The following MSRA variants were observed in gnomAD, a reference collection of about 807,000 sequenced individuals.
MSRA encodes mitochondrial peptide methionine sulfoxide reductase.
MSRA carries 54 observed loss-of-function variants against 31.3 expected under a neutral mutation model. That is an observed-to-expected ratio of 1.73 (90% CI 1.39 to 2.17). The LOEUF is 2.17. MSRA is among the 30% of genes most tolerant of loss of function. The probability of loss-of-function intolerance (pLI) is 0.00; values close to 1 mark genes in which losing one functional copy is unlikely to be tolerated. For missense variants in MSRA, 507 were observed against 300.9 expected (o/e 1.69, Z -5.07); for synonymous variants, 169 against 116.5 (o/e 1.45, Z -2.90).
At chr8:10,096,368 G>C in intron 1 of MSRA, 1 of 970,558 alleles carries the variant, frequency 1.0e-6, no homozygotes, top group Non-Finnish European at 1.2e-6. Flanking sequence ...AACCATTTTT[G>C]GGAGGTGGGT....
intron 1 of MSRA, among the ~76,000 whole-genome samples, chr8:10,155,387 G>A (rs1008326670): frequency 6.6e-6 from 1 of 151,970 alleles, no homozygotes; most frequent in Non-Finnish European, 1.5e-5. Context: ...ATACACCCAC[G>A]CTCTCTCTCT....
intron 1 of MSRA, among the ~76,000 whole-genome samples, chr8:10,192,248 G>T (rs1046753431): frequency 6.6e-6 from 1 of 152,210 alleles, no homozygotes; most frequent in African/African-American, 2.4e-5. Flanking sequence ...TACACTCAAA[G>T]GAAAGGGATT....
intron 3 of MSRA, among the ~76,000 whole-genome samples, chr8:10,300,143 TGTGTGTGCACGCGTGCATGCACAC>T (rs2129124280): frequency 6.6e-6 from 1 of 152,132 alleles, no homozygotes; most frequent in Non-Finnish European, 1.5e-5. Context: ...TGTGTGTGTG[TGTGTGTGCACGCGTGCATGCACAC>T]ATCTGGTAGG....
At chr8:10,297,083 G>A (rs370496747) in intron 3 of MSRA, among the ~76,000 whole-genome samples, 3 of 152,076 alleles carry the variant, frequency 2.0e-5, no homozygotes, top group Non-Finnish European at 2.9e-5. Context: ...GACTTATCTC[G>A]GGGTTCTCTT....
chr8:10,235,381 T>A (rs1811857523), intron 2 of MSRA, among the ~76,000 whole-genome samples: 3 of 152,142 alleles, frequency 2.0e-5, no homozygotes, highest in African/African-American at 7.2e-5. Context: ...ACTACATATC[T>A]ATACGTGAGA....
At chr8:10,098,078 T>A (rs77790493) in intron 1 of MSRA, among the ~76,000 whole-genome samples, 3,106 of 152,284 alleles carry the variant, frequency 0.02, 93 homozygotes, top group African/African-American at 0.071. Flanking sequence ...TACATTTTTT[T>A]AAAAAGACAT....
intron 3 of MSRA, among the ~76,000 whole-genome samples, chr8:10,288,098 G>C (rs1390267811): frequency 6.6e-6 from 1 of 152,208 alleles, no homozygotes; most frequent in African/African-American, 2.4e-5. Context: ...AAGTGAAAAT[G>C]AGGCTGGAAT....
At chr8:10,215,454 A>C (rs1809905832) in intron 2 of MSRA, among the ~76,000 whole-genome samples, 1 of 152,214 alleles carries the variant, frequency 6.6e-6, no homozygotes, top group African/African-American at 2.4e-5. Flanking sequence ...GCTCCCTGGC[A>C]GACCACCTGC....
intron 1 of MSRA, among the ~76,000 whole-genome samples, chr8:10,090,052 G>T (rs1192550144): frequency 6.6e-6 from 1 of 152,218 alleles, no homozygotes; most frequent in African/African-American, 2.4e-5. Flanking sequence ...GGATGAGTCA[G>T]ATCTTGGGTT....
At chr8:10,153,619 G>T (rs966723339) in intron 1 of MSRA, among the ~76,000 whole-genome samples, 2 of 152,102 alleles carry the variant, frequency 1.3e-5, no homozygotes, top group Non-Finnish European at 2.9e-5. Context: ...ATTGACATTG[G>T]TCATTTCCCA....
intron 2 of MSRA, among the ~76,000 whole-genome samples, chr8:10,223,167 A>C (rs892058152): frequency 6.6e-6 from 1 of 152,202 alleles, no homozygotes; most frequent in Non-Finnish European, 1.5e-5. Context: ...AGGTATTACT[A>C]TTGCTTTACT....
At chr8:10,181,879 C>G (rs143901002) in intron 1 of MSRA, among the ~76,000 whole-genome samples, 55 of 152,340 alleles carry the variant, frequency 3.6e-4, no homozygotes, top group Middle Eastern at 3.4e-3. Flanking sequence ...AGCCTTTATC[C>G]TGACCCCAAG....
At chr8:10,068,736 CCTT>C (rs1797584498) in intron 1 of MSRA, among the ~76,000 whole-genome samples, 1 of 152,144 alleles carries the variant, frequency 6.6e-6, no homozygotes, top group African/African-American at 2.4e-5. Context: ...TTGTTCTTCT[CCTT>C]TAATATTGAG....
chr8:10,308,140 C>T (rs1047128834), intron 4 of MSRA, among the ~76,000 whole-genome samples: 1 of 152,182 alleles, frequency 6.6e-6, no homozygotes, highest in African/African-American at 2.4e-5. Flanking sequence ...GATCTTTAGG[C>T]AAGAACTCTT....
At chr8:10,099,766 A>G (rs1318165133) in intron 1 of MSRA, among the ~76,000 whole-genome samples, 1 of 152,208 alleles carries the variant, frequency 6.6e-6, no homozygotes, top group Non-Finnish European at 1.5e-5. Flanking sequence ...TGCGGTGGCC[A>G]TTGGAGATGA....
chr8:10,217,128 G>C (rs4275226), intron 2 of MSRA, among the ~76,000 whole-genome samples: 26,663 of 152,142 alleles, frequency 0.18, 2,642 homozygotes, highest in East Asian at 0.42. Context: ...ATGGATTTCA[G>C]TTTTACTTAC....
chr8:10,354,750 G>GTGTGTATA lies in MSRA; in HGVS notation c.543+34762_543+34763insGTGTATAT, dbSNP rs371336632. Among the ~76,000 whole-genome samples, 176 of 138,392 alleles carry GTGTGTATA rather than the reference G, an allele frequency of 1.3e-3. 1 individual carries two copies. The highest frequency in any genetic ancestry group is 4.7e-3 in the African/African-American group (170 of 36,234). The allele number at this position is 138,392 out of a possible 152,430, so 90.8% of individuals were successfully genotyped here. On this transcript the variant is annotated intron_variant, in intron 5 of 5. Transcript: ENST00000317173. Reference sequence around the variant, plus strand: ...TTATGTAATATGTGTGTGTGTGTGTGTATATATATATATATATATATATAT... The same window carrying GTGTGTATA: ...TTATGTAATATGTGTGTGTGTGTGTGTGTGTATATATATATATATATATATATATATAT...
chr8:10,094,734 A>G (rs1225669941), intron 1 of MSRA, among the ~76,000 whole-genome samples: 6 of 152,152 alleles, frequency 3.9e-5, no homozygotes, highest in African/African-American at 1.2e-4. Flanking sequence ...CAGACTGGCT[A>G]TTTTGCTTCA....
At chr8:10,225,675 G>A (rs1049425328) in intron 2 of MSRA, among the ~76,000 whole-genome samples, 6 of 152,144 alleles carry the variant, frequency 3.9e-5, no homozygotes, top group African/African-American at 4.8e-5. Flanking sequence ...TTGATGGGCC[G>A]ATGTTCTTTA....
Sources: gnomAD v4.1 joint callset for allele counts (sites outside exome capture counted in the v4.1 genomes callset) on GRCh38, gnomAD v4.1.1 for gene constraint, MANE v1.5 for transcripts, NCBI Gene and HGNC (gene_info 2026-07-23, HGNC 2026-07-21) for gene names.